RTTN: variants seen among roughly 807,000 people sequenced by gnomAD.
The protein encoded by RTTN is rotatin.
Under a neutral mutation model 269.2 loss-of-function variants are expected in RTTN, and 182 were observed. That is an observed-to-expected ratio of 0.68 (90% CI 0.60 to 0.76). RTTN has a LOEUF of 0.76. Among genes scored for constraint, RTTN ranks in the 30% least tolerant of loss-of-function variants. The pLI is 0.00. For missense variants in RTTN, 2,545 were observed against 2,608.6 expected, an observed-to-expected ratio of 0.98 and a Z score of 0.53; for synonymous variants, 1,006 against 963.5, an observed-to-expected ratio of 1.04 and a Z score of -0.82.
At chr18:70,034,505 T>C (rs955901239) in intron 40 of RTTN, among the ~76,000 whole-genome samples, 1 of 152,190 alleles carries the variant, frequency 6.6e-6, no homozygotes, top group African/African-American at 2.4e-5. Context: ...CTTTTCATAT[T>C]AAAAACTCCT....
At chr18:70,013,413 CTGTGTGTG>C (rs150097969) in intron 46 of RTTN, among the ~76,000 whole-genome samples, 1 of 145,572 alleles carries the variant, frequency 6.9e-6, no homozygotes, top group South Asian at 2.2e-4. Context: ...GTGTGTGTGT[CTGTGTGTG>C]TGTGTGTGTG....
rs564764831 is a variant in RTTN, at chr18:70,175,171, C to T, written c.1476+1504G>A. The stretch of plus-strand genomic sequence containing the variant: ...AAATGAATTTTTATTCTTCTTTGTA[C>T]ATCAAAATGTTTTTTAAATGAACAT... On this transcript the variant is annotated intron_variant, in intron 11 of 48. Coordinates refer to ENST00000640769, the MANE Select transcript of RTTN (RefSeq NM_173630.4). Among the ~76,000 whole-genome samples the T allele has an allele frequency of 1.1e-4, 16 of 149,852 alleles. No homozygotes were observed. In the East Asian group the frequency reaches 1.8e-3, roughly 17 times the overall value.
At chr18:70,156,390 C>T (rs1181279736) in intron 14 of RTTN, among the ~76,000 whole-genome samples, 1 of 152,170 alleles carries the variant, frequency 6.6e-6, no homozygotes, top group Non-Finnish European at 1.5e-5. Context: ...AAATTTTGGT[C>T]AGACCGGTTG....
intron 27 of RTTN, among the ~76,000 whole-genome samples, chr18:70,111,725 ACT>A (rs2059472335): frequency 6.6e-6 from 1 of 152,152 alleles, no homozygotes; most frequent in African/African-American, 2.4e-5. Context: ...CTTGGAAAAC[ACT>A]CTGCAGGATA....
intron 46 of RTTN, among the ~76,000 whole-genome samples, chr18:70,010,059 C>T (rs758597517): frequency 3.3e-5 from 5 of 152,104 alleles, no homozygotes; most frequent in Non-Finnish European, 7.4e-5. Flanking sequence ...TATATGCACC[C>T]AATACAGGAG....
intron 46 of RTTN, among the ~76,000 whole-genome samples, chr18:70,009,426 G>A (rs1400127052): frequency 2.0e-5 from 3 of 152,004 alleles, no homozygotes; most frequent in South Asian, 2.1e-4. Context: ...GAGAGCCACT[G>A]CGTATGGCCC....
chr18:70,129,352 G>A (rs1345998033), intron 23 of RTTN: 1 of 151,768 alleles, frequency 6.6e-6, no homozygotes, highest in Non-Finnish European at 1.5e-5. Context: ...GAACAAAGAG[G>A]GAGGTATCAC....
At chr18:70,039,231 A>G (rs2057267415) in intron 40 of RTTN, among the ~76,000 whole-genome samples, 1 of 152,134 alleles carries the variant, frequency 6.6e-6, no homozygotes, top group East Asian at 1.9e-4. Context: ...CACCAAGCAG[A>G]TTTAACCCAA....
At chr18:70,160,993 C>A (rs528464253) in intron 14 of RTTN, among the ~76,000 whole-genome samples, 16 of 152,284 alleles carry the variant, frequency 1.1e-4, no homozygotes, top group Non-Finnish European at 2.1e-4. Context: ...TTAGAAAAAA[C>A]CATTCTAAAA....
At chr18:70,174,668 G>A (rs1019016986) in intron 11 of RTTN, among the ~76,000 whole-genome samples, 6 of 150,674 alleles carry the variant, frequency 4.0e-5, no homozygotes, top group South Asian at 2.1e-4. Flanking sequence ...AATTTATGAA[G>A]TGTTTAATTA....
At chr18:70,184,285 G>A (rs1353890476) in intron 10 of RTTN, among the ~76,000 whole-genome samples, 1 of 152,214 alleles carries the variant, frequency 6.6e-6, no homozygotes, top group African/African-American at 2.4e-5. Context: ...TGGGCACAGT[G>A]GCTCATGCCT....
chr18:70,019,856 A>G (rs1287387861), intron 45 of RTTN: 1 of 152,234 alleles, frequency 6.6e-6, no homozygotes, highest in African/African-American at 2.4e-5. Context: ...CAGGGAGAAG[A>G]AACAGTAGAG....
At chr18:70,068,439 G>A (rs56966913) in intron 34 of RTTN, among the ~76,000 whole-genome samples, 2,910 of 152,232 alleles carry the variant, frequency 0.019, 81 homozygotes, top group African/African-American at 0.066. Flanking sequence ...GCATAAATTC[G>A]TTAGAATCAG....
At chr18:70,152,204 A>C (rs145035039) in intron 14 of RTTN, among the ~76,000 whole-genome samples, 760 of 54,040 alleles carry the variant, frequency 0.014, 4 homozygotes, top group African/African-American at 0.023. Flanking sequence ...TGGCTTTAAT[A>C]TCATCTCTAA....
At chr18:70,004,343 T>C in intron 48 of RTTN, 107 bp from the exon 49 acceptor site, 2 of 628,638 alleles carry the variant, frequency 3.2e-6, no homozygotes, top group Non-Finnish European at 5.3e-6. Context: ...TTATATATAA[T>C]TTAAAGCTCT....
intron 45 of RTTN, chr18:70,019,212 T>C (rs1484113126): frequency 6.6e-6 from 1 of 152,188 alleles, no homozygotes; most frequent in Admixed American, 6.5e-5. Context: ...AGAGATTATT[T>C]TGTTAAACCC....
chr18:70,016,151 A>C (rs1599112712), intron 46 of RTTN, among the ~76,000 whole-genome samples: 1 of 152,210 alleles, frequency 6.6e-6, no homozygotes, highest in South Asian at 2.1e-4. Flanking sequence ...CTTCTATATC[A>C]TATCTAGCAG....
chr18:70,016,691 T>G (rs2056548356), intron 46 of RTTN, among the ~76,000 whole-genome samples: 1 of 152,086 alleles, frequency 6.6e-6, no homozygotes, highest in Non-Finnish European at 1.5e-5. Context: ...GTCCTACATC[T>G]CAGAGAATGA....
At chr18:70,026,209 T>C (rs548576379) in intron 43 of RTTN, among the ~76,000 whole-genome samples, 13 of 152,322 alleles carry the variant, frequency 8.5e-5, no homozygotes, top group Admixed American at 2.0e-4. Context: ...TGGCATTTGC[T>C]ATATGTCTCT....
Sources: gnomAD v4.1 joint callset for allele counts (sites outside exome capture counted in the v4.1 genomes callset) on GRCh38, gnomAD v4.1.1 for gene constraint, MANE v1.5 for transcripts, NCBI Gene and HGNC (gene_info 2026-07-23, HGNC 2026-07-21) for gene names.